Variants in MLLT10 observed in about 807,000 individuals in gnomAD.
MLLT10 encodes the protein MLLT10 histone lysine methyltransferase DOT1L cofactor, also known as protein AF-10.
In MLLT10, 30 loss-of-function variants were observed where a neutral mutation model predicts 129.1. The ratio of observed to expected loss-of-function variants is 0.23; its 90% confidence interval spans 0.17 to 0.32. MLLT10 has a LOEUF of 0.32. Among genes scored for constraint, MLLT10 ranks in the 10% least tolerant of loss-of-function variants. The pLI is 1.00. For synonymous variants in MLLT10, 490 were observed against 446.4 expected, an observed-to-expected ratio of 1.10 and a Z score of -1.23; for missense variants, 1,119 against 1,268.3, an observed-to-expected ratio of 0.88 and a Z score of 1.79.
At chr10:21,673,211 T>TA (rs980198853) in intron 10 of MLLT10, 139 bp from the exon 11 acceptor site, 17 of 508,176 alleles carry the variant, frequency 3.3e-5, no homozygotes, top group African/African-American at 2.8e-4. Context: ...ACGAATGTCC[T>TA]AAGTGTTGTA....
At chr10:21,689,165 T>C (rs1353988000) in intron 13 of MLLT10, among the ~76,000 whole-genome samples, 1 of 152,102 alleles carries the variant, frequency 6.6e-6, no homozygotes, top group Non-Finnish European at 1.5e-5. Context: ...ATATATTAGG[T>C]TCTTTCTTTA....
In MLLT10 at chr10:21,735,141, C is replaced by T. The variant is rs1320673969; in HGVS notation, c.2861C>T (p.Ala954Val). ...HPMPATLTNS[A>V]SGLGLLSDQQ... Reference sequence around the variant, plus strand: ...TAAGAATTGTAATCATTTTTCAGTGCCTCAGGACTAGGATTACTTTCTGAC... The same window carrying T: ...TAAGAATTGTAATCATTTTTCAGTGTCTCAGGACTAGGATTACTTTCTGAC... The change falls in exon 21 of 23, where the codon GCC (alanine) becomes GTC (valine). Residue 954 changes from alanine (A) to valine (V), a missense_variant and splice_region_variant. Transcript: ENST00000307729. 6.2e-7 allele frequency: 1 copy of T among 1,611,188 alleles called. No individual in the cohort carries two copies. The highest frequency in any genetic ancestry group is 8.5e-7 in the Non-Finnish European group (1 of 1,178,336).
chr10:21,595,865 A>G (rs2042976194), intron 5 of MLLT10, among the ~76,000 whole-genome samples: 2 of 152,064 alleles, frequency 1.3e-5, no homozygotes, highest in South Asian at 4.2e-4. Context: ...CCTCCTCCCA[A>G]AGTTATTTGT....
intron 4 of MLLT10, among the ~76,000 whole-genome samples, chr10:21,587,296 T>C (rs1261315446): frequency 6.6e-6 from 1 of 151,754 alleles, no homozygotes; most frequent in Non-Finnish European, 1.5e-5. Context: ...GGCACGTGCC[T>C]GCAGTTCCAG....
chr10:21,680,802 T>C (rs565869200), intron 11 of MLLT10, among the ~76,000 whole-genome samples: 2 of 151,920 alleles, frequency 1.3e-5, no homozygotes, highest in Non-Finnish European at 2.9e-5. Flanking sequence ...TGAAACCCTG[T>C]CTCTACTAAA....
chr10:21,576,898 TG>T (rs1360378444), intron 3 of MLLT10, among the ~76,000 whole-genome samples: 1 of 152,256 alleles, frequency 6.6e-6, no homozygotes, highest in Non-Finnish European at 1.5e-5. Context: ...CCTAAAGTGC[TG>T]GGGTTACAGG....
chr10:21,556,720 A>G, intron 3 of MLLT10: 9 of 1,612,362 alleles, frequency 5.6e-6, no homozygotes, highest in Non-Finnish European at 7.6e-6. Context: ...GCGCATGTGC[A>G]TCTCCCCACC....
chr10:21,627,178 C>T (rs1279792308), intron 8 of MLLT10, among the ~76,000 whole-genome samples: 1 of 152,080 alleles, frequency 6.6e-6, no homozygotes, highest in Non-Finnish European at 1.5e-5. Flanking sequence ...ATGTCCTTCG[C>T]TCTACCCTCC....
intron 3 of MLLT10, among the ~76,000 whole-genome samples, chr10:21,539,601 G>C (rs571309654): frequency 6.6e-6 from 1 of 151,502 alleles, no homozygotes; most frequent in African/African-American, 2.4e-5. Context: ...GTGAAACCCC[G>C]TCTCTACTAC....
At chr10:21,559,950 T>C (rs1044609776) in intron 3 of MLLT10, among the ~76,000 whole-genome samples, 9 of 152,130 alleles carry the variant, frequency 5.9e-5, no homozygotes, top group African/African-American at 2.2e-4. Flanking sequence ...CTTTTTTTTT[T>C]GGGTCGGGTG....
chr10:21,644,167 G>A (rs1012655968), intron 8 of MLLT10, among the ~76,000 whole-genome samples: 1 of 152,032 alleles, frequency 6.6e-6, no homozygotes, highest in Non-Finnish European at 1.5e-5. Context: ...TATTTGGCAT[G>A]GGGACAGTTT....
intron 15 of MLLT10, among the ~76,000 whole-genome samples, chr10:21,727,354 T>C (rs1035106576): frequency 6.6e-6 from 1 of 152,184 alleles, no homozygotes; most frequent in African/African-American, 2.4e-5. Context: ...TAGTGTTTTA[T>C]GTAATTTTAT....
intron 11 of MLLT10, among the ~76,000 whole-genome samples, chr10:21,680,995 G>A (rs1461786028): frequency 6.6e-6 from 1 of 151,594 alleles, no homozygotes; most frequent in Non-Finnish European, 1.5e-5. Context: ...AATGTATCAT[G>A]TTGCGAATCA....
intron 8 of MLLT10, among the ~76,000 whole-genome samples, chr10:21,638,174 A>T: frequency 7.2e-6 from 1 of 139,202 alleles, no homozygotes; most frequent in Admixed American, 8.0e-5. Flanking sequence ...GGGATGGCAA[A>T]CTTTTCCTCT....
intron 3 of MLLT10, among the ~76,000 whole-genome samples, chr10:21,573,001 TTC>T (rs1456349483): frequency 2.6e-5 from 4 of 152,172 alleles, no homozygotes; most frequent in Non-Finnish European, 5.9e-5. Flanking sequence ...TTATAAAAAT[TTC>T]TAATTTTTTG....
intron 13 of MLLT10, among the ~76,000 whole-genome samples, chr10:21,702,408 G>T (rs2055016664): frequency 6.6e-6 from 1 of 152,098 alleles, no homozygotes; most frequent in Non-Finnish European, 1.5e-5. Flanking sequence ...AGCAGTTGTT[G>T]GATAAAATGT....
At chr10:21,646,321 A>G (rs1032458457) in intron 8 of MLLT10, among the ~76,000 whole-genome samples, 1 of 152,238 alleles carries the variant, frequency 6.6e-6, no homozygotes, top group African/African-American at 2.4e-5. Flanking sequence ...TTCATTACAG[A>G]GAGCAAATGA....
rs556707816 is a variant in MLLT10 at position 21,631,095 on chromosome 10, G to C, written c.699+13888G>C. Among the ~76,000 whole-genome samples the C allele has an allele frequency of 3.3e-5, 5 of 152,122 alleles. No individual in the cohort carries two copies. The South Asian group carries it at 1.0e-3, about 32-fold the overall frequency. On this transcript the variant is annotated intron_variant, in intron 8 of 22. Transcript: ENST00000307729. ...GGAGGCCGAGGTGGGCGGATCACAA[G>C]GTCAGGAGATCGAGACCATCCTGGC...
intron 9 of MLLT10, among the ~76,000 whole-genome samples, chr10:21,657,134 A>G (rs1435482397): frequency 2.0e-5 from 3 of 152,080 alleles, no homozygotes; most frequent in Non-Finnish European, 4.4e-5. Context: ...GCTCACACCT[A>G]TAATTCCAGC....
Sources: allele counts gnomAD v4.1 joint callset (sites outside exome capture counted in the v4.1 genomes callset), GRCh38; gene constraint gnomAD v4.1.1; transcripts MANE v1.5; gene names NCBI Gene and HGNC (gene_info 2026-07-23, HGNC 2026-07-21).